PCDHB1: variants seen among roughly 807,000 people sequenced by gnomAD.
PCDHB1 encodes the protein protocadherin beta 1.
Under a neutral mutation model 43.5 loss-of-function variants are expected in PCDHB1, and 44 were observed. The ratio of observed to expected loss-of-function variants is 1.01; its 90% CI spans 0.79 to 1.30. The LOEUF (loss-of-function observed/expected upper bound fraction) is 1.30, where lower values mean the gene tolerates loss of function less well. PCDHB1 is among the 50% of genes most tolerant of loss of function. The pLI is 0.00. For synonymous variants in PCDHB1, 392 were observed against 400.8 expected (o/e 0.98, Z 0.26); for missense variants, 919 against 1,008.9 (o/e 0.91, Z 1.21).
rs1467070084 is a variant in PCDHB1, at chr5:141,052,630, G to A, written c.1160G>A (p.Arg387Lys). The part of the protein sequence containing the change: ...RVGGKVTCFL[R>K]EDLPFVIKPT... ...GGAGGAAAAGTCACCTGCTTCCTCA[G>A]AGAAGACCTTCCCTTTGTAATCAAA... Residue 387 changes from arginine (R) to lysine (K), a missense_variant, in exon 1 of 1, where the codon AGA (arginine) becomes AAA (lysine). Coordinates refer to ENST00000306549, the MANE Select transcript of PCDHB1 (RefSeq NM_013340.4). 1 of 1,614,158 alleles carries A rather than the reference G, an allele frequency of 6.2e-7. No individual in the cohort carries two copies. Among genetic ancestry groups the A allele is most frequent in the East Asian group, 2.2e-5 (1 of 44,864 alleles).
rs1272350850 is a variant in PCDHB1 at position 141,051,742 on chromosome 5, A to C, written c.272A>C (p.Asp91Ala). 9 of 1,614,112 alleles carry C rather than the reference A, an allele frequency of 5.6e-6. No homozygotes were observed. The highest frequency in any genetic ancestry group is 4.4e-5 in the South Asian group (4 of 91,088). The change falls in exon 1 of 1, where the codon GAT becomes GCT. Residue 91 changes from aspartate (D) to alanine (A), a missense_variant. Coordinates refer to ENST00000306549, the MANE Select transcript of PCDHB1 (RefSeq NM_013340.4). ...GATTTGTTTGTGAAGGAGAAACTGG[A>C]TCGGGAGTCACTTTGTGGCAAAGCC... ...TGDLFVKEKL[D>A]RESLCGKADP...
At position 141,051,712 on chromosome 5, in the gene PCDHB1, C is replaced by G. The variant is rs782107772; in HGVS notation, c.242C>G (p.Thr81Arg). 2.5e-6 allele frequency: 4 copies of G among 1,614,202 alleles called. No individual in the cohort carries two copies. Among genetic ancestry groups the G allele is most frequent in the Admixed American group, 1.7e-5 (1 of 60,028 alleles). The change falls in exon 1 of 1, where the codon ACG becomes AGG. Residue 81 changes from threonine to arginine, a missense_variant. Thr to Arg is a moderately conservative substitution (Grantham distance 71). Transcript: ENST00000306549. Reference protein sequence around the residue: ...NKMHFRLHRKTGDLFVKEKLD... With the variant: ...NKMHFRLHRKRGDLFVKEKLD... ...ATGCATTTCCGGCTCCACCGCAAGA[C>G]GGGAGATTTGTTTGTGAAGGAGAAA... is the stretch of plus-strand genomic sequence containing the variant.
chr5:141,052,500 C>G lies in PCDHB1; in HGVS notation c.1030C>G (p.Pro344Ala). ...AGAAGTGGTGGATGTGAATGACAAT[C>G]CTCCCGAAGTGATGGTCTCCTCTGT... ...LVEVVDVNDNPPEVMVSSVSS... is the reference protein window; with the variant it reads ...LVEVVDVNDNAPEVMVSSVSS... The change falls in exon 1 of 1, where the codon CCT becomes GCT. Residue 344 changes from proline to alanine, a missense_variant. Coordinates refer to ENST00000306549, the MANE Select transcript of PCDHB1 (RefSeq NM_013340.4). 6.2e-7 allele frequency: 1 copy of G among 1,614,212 alleles called. No individual in the cohort carries two copies. Among genetic ancestry groups the G allele is most frequent in the Non-Finnish European group, 8.5e-7 (1 of 1,180,038 alleles).
rs370497604 is a variant in PCDHB1 at position 141,057,540 on chromosome 5, C to CAAAAAAAAAAAAAAAAA, written c.*3615_*3631dup. The CAAAAAAAAAAAAAAAAA allele has an allele frequency of 2.8e-5, 2 of 72,326 alleles. No individual in the cohort carries two copies. The highest frequency in any genetic ancestry group is 5.1e-5 in the African/African-American group (1 of 19,560). The allele number at this position is 72,326 out of a possible 1,614,324, so 4.5% of individuals were successfully genotyped here. Reference sequence around the variant, plus strand: ...CTGGCGACAAAGCAAGACTCTGTCTCAAAAAAAAAAAAAAAAAAGAAAAAA... The same window carrying CAAAAAAAAAAAAAAAAA: ...CTGGCGACAAAGCAAGACTCTGTCTCAAAAAAAAAAAAAAAAAAAAAAAAAAAAAAAAAAAGAAAAAA... On this transcript the variant is annotated 3_prime_UTR_variant, in exon 1 of 1. Coordinates refer to ENST00000306549, the MANE Select transcript of PCDHB1 (RefSeq NM_013340.4).
Position 141,053,851 on chromosome 5 carries a change from GT to G in PCDHB1, c.2384del (p.Leu795CysfsTer13). The G allele has an allele frequency of 6.2e-7, 1 of 1,614,142 alleles. No homozygotes were observed. Among genetic ancestry groups the G allele is most frequent in the South Asian group, 1.1e-5 (1 of 91,086 alleles). Reference protein sequence around the residue: ...TGEIKMEAGSSLPPNSDRNKS... With the variant: ...TGEIKMEAGSXLPPNSDRNKS... ...GAGATAAAAATGGAGGCTGGCTCCA[GT>G]TTGCCCCCAAATTCTGATAGGAATA... On this transcript the variant is annotated frameshift_variant, in exon 1 of 1. Coordinates refer to ENST00000306549, the MANE Select transcript of PCDHB1 (RefSeq NM_013340.4). LOFTEE classifies it high-confidence loss of function.
Position 141,055,536 on chromosome 5 carries a change from T to C in PCDHB1, c.*1609T>C, listed in dbSNP as rs1014345525. ...TGCCATTAAGTGTACACAACATTTA[T>C]TGTAAACCATTTTGTAGTTTGTAGA... is the stretch of plus-strand genomic sequence containing the variant. On this transcript the variant is annotated 3_prime_UTR_variant, in exon 1 of 1. Coordinates refer to ENST00000306549, the MANE Select transcript of PCDHB1 (RefSeq NM_013340.4). The C allele has an allele frequency of 3.9e-5, 6 of 152,256 alleles. No individual in the cohort carries two copies. The highest frequency in any genetic ancestry group is 1.4e-4 in the African/African-American group (6 of 41,470). 9.4% of individuals were successfully genotyped at this position (152,256 alleles called of 1,614,324 possible).
rs1374222616 is a variant in PCDHB1 at position 141,055,743 on chromosome 5, A to G, written c.*1816A>G. On this transcript the variant is annotated 3_prime_UTR_variant, in exon 1 of 1. Coordinates refer to ENST00000306549, the MANE Select transcript of PCDHB1 (RefSeq NM_013340.4). ...GTGGCATTTTTAGTAAATCATTCATAAAATGAAATGGAGTGGGGAGACAAC... is the reference window on the plus strand; with the variant it reads ...GTGGCATTTTTAGTAAATCATTCATGAAATGAAATGGAGTGGGGAGACAAC... The G allele has an allele frequency of 6.6e-6, 1 of 152,260 alleles. No individual in the cohort carries two copies. Among genetic ancestry groups the G allele is most frequent in the Non-Finnish European group, 1.5e-5 (1 of 68,052 alleles). The allele number at this position is 152,260 out of a possible 1,614,324, so 9.4% of individuals were successfully genotyped here. A position where few individuals can be genotyped will look rare whatever the true frequency, so the allele number is the denominator to read the frequency against.
At position 141,052,800 on chromosome 5, in the gene PCDHB1, G is replaced by A. The variant is rs782222073; in HGVS notation, c.1330G>A (p.Asp444Asn). Reference sequence around the variant, plus strand: ...GACTATGATAGAGGTGCTAATATCCGACGTTAATGACAATCCTCCAATATT... The same window carrying A: ...GACTATGATAGAGGTGCTAATATCCAACGTTAATGACAATCCTCCAATATT... Reference protein sequence around the residue: ...AETMIEVLISDVNDNPPIFRE... With the variant: ...AETMIEVLISNVNDNPPIFRE... Residue 444 changes from aspartate to asparagine, a missense_variant, in exon 1 of 1, where the codon GAC becomes AAC. Coordinates refer to ENST00000306549, the MANE Select transcript of PCDHB1 (RefSeq NM_013340.4). The A allele has an allele frequency of 1.2e-6, 2 of 1,614,164 alleles. No individual in the cohort carries two copies. The highest frequency in any genetic ancestry group is 8.5e-7 in the Non-Finnish European group (1 of 1,180,046).
At position 141,052,828 on chromosome 5, in the gene PCDHB1, G is replaced by T; in HGVS notation, c.1358G>T (p.Arg453Leu). The part of the protein sequence containing the change: ...SDVNDNPPIF[R>L]EDSYILTVRE... ...GTTAATGACAATCCTCCAATATTTCGGGAAGATTCCTATATCTTGACTGTT... is the reference window on the plus strand; with the variant it reads ...GTTAATGACAATCCTCCAATATTTCTGGAAGATTCCTATATCTTGACTGTT... Residue 453 changes from arginine to leucine, a missense_variant, in exon 1 of 1, where the codon CGG becomes CTG. Arg to Leu is a moderately radical substitution (Grantham distance 102). Transcript: ENST00000306549. 6.2e-7 allele frequency: 1 copy of T among 1,614,058 alleles called. No individual in the cohort carries two copies. The highest frequency in any genetic ancestry group is 8.5e-7 in the Non-Finnish European group (1 of 1,180,010).
Position 141,056,597 on chromosome 5 carries a change from A to T in PCDHB1, c.*2670A>T, listed in dbSNP as rs1042129776. On this transcript the variant is annotated 3_prime_UTR_variant, in exon 1 of 1. Coordinates refer to ENST00000306549, the MANE Select transcript of PCDHB1 (RefSeq NM_013340.4). The stretch of plus-strand genomic sequence containing the variant: ...TCCTTTAAATGAAAAAGGAGATAGA[A>T]TTTTTATTTATTTATTTATTTTTTG... 5.3e-5 allele frequency: 8 copies of T among 152,202 alleles called. No individual in the cohort carries two copies. The highest frequency in any genetic ancestry group is 1.3e-4 in the Admixed American group (2 of 15,268). 9.4% of individuals were successfully genotyped at this position (152,202 alleles called of 1,614,324 possible). A position where few individuals can be genotyped will look rare whatever the true frequency, so the allele number is the denominator to read the frequency against.
chr5:141,056,009 A>G lies in PCDHB1; in HGVS notation c.*2082A>G, dbSNP rs1554267786. 6.6e-6 allele frequency: 1 copy of G among 152,050 alleles called. No homozygotes were observed. Among genetic ancestry groups the G allele is most frequent in the Non-Finnish European group, 1.5e-5 (1 of 68,006 alleles). The allele number at this position is 152,050 out of a possible 1,614,324, so 9.4% of individuals were successfully genotyped here. A position where few individuals can be genotyped will look rare whatever the true frequency, so the allele number is the denominator to read the frequency against. Reference sequence around the variant, plus strand: ...AAGCCCAGGAGTTCAGGGGTGCAGTAAGCTATGATTGCACTTCTGCACTCC... The same window carrying G: ...AAGCCCAGGAGTTCAGGGGTGCAGTGAGCTATGATTGCACTTCTGCACTCC... On this transcript the variant is annotated 3_prime_UTR_variant, in exon 1 of 1. Coordinates refer to ENST00000306549, the MANE Select transcript of PCDHB1 (RefSeq NM_013340.4).
At position 141,056,796 on chromosome 5, in the gene PCDHB1, G is replaced by A. The variant is rs1167121681; in HGVS notation, c.*2869G>A. The A allele has an allele frequency of 6.6e-6, 1 of 152,108 alleles. No homozygotes were observed. Among genetic ancestry groups the A allele is most frequent in the Non-Finnish European group, 1.5e-5 (1 of 68,046 alleles). 9.4% of individuals were successfully genotyped at this position (152,108 alleles called of 1,614,324 possible). On this transcript the variant is annotated 3_prime_UTR_variant, in exon 1 of 1. Coordinates refer to ENST00000306549, the MANE Select transcript of PCDHB1 (RefSeq NM_013340.4). ...AATTTTGTGTTTTTAGTAGAGACGGGGCTTCGCCATGTTGGCATTTCGCTA... is the reference window on the plus strand; with the variant it reads ...AATTTTGTGTTTTTAGTAGAGACGGAGCTTCGCCATGTTGGCATTTCGCTA...
In PCDHB1 at chr5:141,055,024, A is replaced by G. The variant is rs1588285878; in HGVS notation, c.*1097A>G. 1 of 152,192 alleles carries G rather than the reference A, an allele frequency of 6.6e-6. No homozygotes were observed. The highest frequency in any genetic ancestry group is 2.1e-4 in the South Asian group (1 of 4,832). The allele number at this position is 152,192 out of a possible 1,614,324, so 9.4% of individuals were successfully genotyped here. ...TTTGATTTCTTGATTGTTTGGAGCC[A>G]TAGGCAAGTCTCAAATCTCCCTCTT... On this transcript the variant is annotated 3_prime_UTR_variant, in exon 1 of 1. Transcript: ENST00000306549.
chr5:141,058,069 C>T lies in PCDHB1; in HGVS notation c.*4142C>T, dbSNP rs929421578. On this transcript the variant is annotated 3_prime_UTR_variant, in exon 1 of 1. Transcript: ENST00000306549. ...CCTGTATATCCTTCACCTAACTTCCCGGAATGCTAACATCTTATATAACCA... is the reference window on the plus strand; with the variant it reads ...CCTGTATATCCTTCACCTAACTTCCTGGAATGCTAACATCTTATATAACCA... The T allele has an allele frequency of 2.0e-5, 3 of 152,076 alleles. No individual in the cohort carries two copies. Among genetic ancestry groups the T allele is most frequent in the South Asian group, 2.1e-4 (1 of 4,822 alleles). The allele number at this position is 152,076 out of a possible 1,614,324, so 9.4% of individuals were successfully genotyped here.
In PCDHB1 at chr5:141,053,306, C is replaced by T; in HGVS notation, c.1836C>T (p.Asp612=). ...CATATCATCTACTTAAGGCCACTGA[C>T]CTTGGGTTATTTTCTGTTCAAAGAC... ...WLSYHLLKAT[D]LGLFSVQRQN... Residue 612 remains aspartate, a synonymous_variant, in exon 1 of 1, where the codon GAC becomes GAT. Coordinates refer to ENST00000306549, the MANE Select transcript of PCDHB1 (RefSeq NM_013340.4). The T allele has an allele frequency of 1.2e-6, 2 of 1,614,172 alleles. No homozygotes were observed. The highest frequency in any genetic ancestry group is 2.2e-5 in the East Asian group (1 of 44,886).
In PCDHB1 at chr5:141,051,847, T is replaced by C; in HGVS notation, c.377T>C (p.Ile126Thr). The C allele has an allele frequency of 6.2e-7, 1 of 1,614,132 alleles. No homozygotes were observed. Among genetic ancestry groups the C allele is most frequent in the Non-Finnish European group, 8.5e-7 (1 of 1,180,018 alleles). ...SFRAEVRVFD[I>T]NDNAPVFLNK... ...CGGGCCGAGGTCAGGGTATTTGATA[T>C]CAATGACAATGCCCCAGTTTTCCTA... The change falls in exon 1 of 1, where the codon ATC (isoleucine) becomes ACC (threonine). Residue 126 changes from isoleucine to threonine, a missense_variant. Physicochemically the swap from Ile to Thr is moderately conservative, Grantham distance 89 (BLOSUM62 -1). Coordinates refer to ENST00000306549, the MANE Select transcript of PCDHB1 (RefSeq NM_013340.4).
chr5:141,051,432 A>C lies in PCDHB1; in HGVS notation c.-39A>C. The C allele has an allele frequency of 6.2e-7, 1 of 1,605,978 alleles. No homozygotes were observed. Among genetic ancestry groups the C allele is most frequent in the South Asian group, 1.1e-5 (1 of 90,500 alleles). On this transcript the variant is annotated 5_prime_UTR_variant, in exon 1 of 1. Transcript: ENST00000306549. ...AGAAAAGTGAAAGTATATCCGCAAC[A>C]GTTGGCTCTGATTGCAGAGAGCGCG...
rs1554267273 is a variant in PCDHB1, at chr5:141,052,580, T to C, written c.1110T>C (p.Thr370=). 1.2e-6 allele frequency: 2 copies of C among 1,614,164 alleles called. No individual in the cohort carries two copies. The highest frequency in any genetic ancestry group is 4.5e-5 in the East Asian group (2 of 44,868). The change falls in exon 1 of 1, where the codon ACT becomes ACC. Residue 370 remains threonine, a synonymous_variant. Coordinates refer to ENST00000306549, the MANE Select transcript of PCDHB1 (RefSeq NM_013340.4). The part of the protein sequence containing the change: ...SPPQTVVALF[T]IRDRDIRVGG... The stretch of plus-strand genomic sequence containing the variant: ...CACAGACAGTAGTAGCCCTTTTCAC[T>C]ATCAGAGACCGGGACATTCGAGTGG...
rs199749632 is a variant in PCDHB1 at position 141,053,585 on chromosome 5, T to C, written c.2115T>C (p.Ser705=). 6.1e-5 allele frequency: 99 copies of C among 1,613,774 alleles called. No homozygotes were observed. The highest frequency in any genetic ancestry group is 4.2e-6 in the Non-Finnish European group (5 of 1,179,762). Residue 705 remains serine, a synonymous_variant, in exon 1 of 1, where the codon TCT becomes TCC. Transcript: ENST00000306549. ...TCCTTTCCTTTCTCTTTCTCCTCTCTGTCATAGTGATCTTCATTATACATG... is the reference window on the plus strand; with the variant it reads ...TCCTTTCCTTTCTCTTTCTCCTCTCCGTCATAGTGATCTTCATTATACATG... ...LVILSFLFLL[S]VIVIFIIHVY... is the part of the protein sequence containing the mutation.
Sources: gnomAD v4.1 joint callset for allele counts on GRCh38, gnomAD v4.1.1 for gene constraint, MANE v1.5 for transcripts, NCBI Gene and HGNC (gene_info 2026-07-23, HGNC 2026-07-21) for gene names.